CADM2: variants seen among roughly 807,000 people sequenced by gnomAD.
The protein encoded by CADM2 is cell adhesion molecule 2, also known as immunoglobulin superfamily member 4D.
In CADM2, 12 loss-of-function variants were observed where a neutral mutation model predicts 49.8. That is an observed-to-expected ratio of 0.24 (90% CI 0.15 to 0.39). The LOEUF (loss-of-function observed/expected upper bound fraction) is 0.39. Among genes scored for constraint, CADM2 ranks in the 10% least tolerant of loss-of-function variants. The pLI, the probability that CADM2 is intolerant of heterozygous loss-of-function variation, is 1.00. For synonymous variants in CADM2, 214 were observed against 175.4 expected (o/e 1.22, Z -1.74); for missense variants, 378 against 492.3 (o/e 0.77, Z 2.20).
chr3:85,877,840 T>C (rs1318998509), intron 3 of CADM2, among the ~76,000 whole-genome samples: 1 of 152,086 alleles, frequency 6.6e-6, no homozygotes, highest in Non-Finnish European at 1.5e-5. Flanking sequence ...CAATAGCTAC[T>C]CACTGAATGC....
chr3:85,115,700 A>T (rs1462182169), intron 1 of CADM2, among the ~76,000 whole-genome samples: 1 of 152,206 alleles, frequency 6.6e-6, no homozygotes, highest in Non-Finnish European at 1.5e-5. Context: ...ATTAATATAC[A>T]GCTTTAATGT....
intron 1 of CADM2, among the ~76,000 whole-genome samples, chr3:85,461,308 G>C (rs926157852): frequency 1.3e-5 from 2 of 152,052 alleles, no homozygotes; most frequent in Admixed American, 1.3e-4. Context: ...ACACAAGTCA[G>C]CAACTTCAGC....
chr3:85,899,181 G>T (rs1418787006), intron 5 of CADM2, among the ~76,000 whole-genome samples: 1 of 151,278 alleles, frequency 6.6e-6, no homozygotes, highest in Non-Finnish European at 1.5e-5. Flanking sequence ...GACCAGGCTG[G>T]TCTTGAACTC....
intron 8 of CADM2, among the ~76,000 whole-genome samples, chr3:86,022,646 A>G (rs560851247): frequency 1.3e-5 from 2 of 152,160 alleles, no homozygotes; most frequent in East Asian, 1.9e-4. Flanking sequence ...AAAAATATGC[A>G]TAATAGCCAT....
chr3:85,182,000 A>G (rs900363210), intron 1 of CADM2, among the ~76,000 whole-genome samples: 5 of 150,268 alleles, frequency 3.3e-5, no homozygotes, highest in African/African-American at 1.2e-4. Context: ...TAAATCACAT[A>G]TATCTTTATA....
intron 8 of CADM2, among the ~76,000 whole-genome samples, chr3:86,021,824 G>T (rs1733227080): frequency 6.6e-6 from 1 of 152,112 alleles, no homozygotes; most frequent in Non-Finnish European, 1.5e-5. Context: ...TCAGTGGCAG[G>T]GGATAGGGAA....
intron 1 of CADM2, among the ~76,000 whole-genome samples, chr3:85,413,164 T>TA (rs1164449868): frequency 9.1e-5 from 7 of 76,816 alleles, no homozygotes; most frequent in South Asian, 5.4e-4. Flanking sequence ...AAAAAAAAAA[T>TA]AATAATAATA....
At chr3:85,740,969 A>T (rs2068356386) in intron 2 of CADM2, among the ~76,000 whole-genome samples, 1 of 152,200 alleles carries the variant, frequency 6.6e-6, no homozygotes, top group Non-Finnish European at 1.5e-5. Flanking sequence ...AGGTAATCCT[A>T]GTTCAGGACA....
At chr3:85,378,030 A>AT (rs762375730) in intron 1 of CADM2, among the ~76,000 whole-genome samples, 8 of 151,750 alleles carry the variant, frequency 5.3e-5, no homozygotes, top group South Asian at 2.1e-4. Flanking sequence ...TTCAGGAATC[A>AT]TTTTTTTTGC....
At chr3:86,043,956 G>A (rs538596190) in intron 8 of CADM2, among the ~76,000 whole-genome samples, 1 of 152,202 alleles carries the variant, frequency 6.6e-6, no homozygotes, top group South Asian at 2.1e-4. Context: ...AACAAGAAAT[G>A]GGGAAACGGT....
intron 1 of CADM2, among the ~76,000 whole-genome samples, chr3:85,133,305 T>TC (rs1364135893): frequency 6.6e-6 from 1 of 152,172 alleles, no homozygotes; most frequent in East Asian, 1.9e-4. Flanking sequence ...CCCACTCACA[T>TC]CCTGCTGATT....
intron 1 of CADM2, among the ~76,000 whole-genome samples, chr3:85,255,339 A>C (rs2107872409): frequency 6.6e-6 from 1 of 152,156 alleles, no homozygotes; most frequent in South Asian, 2.1e-4. Flanking sequence ...TTTAAAGAAG[A>C]GGCTTCATTT....
intron 5 of CADM2, among the ~76,000 whole-genome samples, chr3:85,893,810 C>G (rs1714815442): frequency 6.6e-6 from 1 of 152,112 alleles, no homozygotes; most frequent in Non-Finnish European, 1.5e-5. Flanking sequence ...CCATCTCACA[C>G]CAGTTAGAAT....
chr3:85,058,096 CTATG>C (rs1418393898), intron 1 of CADM2, among the ~76,000 whole-genome samples: 1 of 152,032 alleles, frequency 6.6e-6, no homozygotes, highest in Non-Finnish European at 1.5e-5. Flanking sequence ...TTTTTCTCTG[CTATG>C]TATGTGTGCA....
intron 1 of CADM2, among the ~76,000 whole-genome samples, chr3:85,405,897 C>G (rs1268220743): frequency 1.3e-5 from 2 of 150,702 alleles, no homozygotes; most frequent in Non-Finnish European, 3.0e-5. Flanking sequence ...GCCTGTGTGA[C>G]AGCGTGAGAC....
intron 1 of CADM2, among the ~76,000 whole-genome samples, chr3:85,436,981 A>G (rs144200619): frequency 1.3e-5 from 2 of 152,242 alleles, no homozygotes; most frequent in African/African-American, 4.8e-5. Context: ...CAGTCTTAAA[A>G]ATCTTTCTTC....
At chr3:85,260,889 G>A (rs1338413341) in intron 1 of CADM2, among the ~76,000 whole-genome samples, 1 of 152,120 alleles carries the variant, frequency 6.6e-6, no homozygotes, top group South Asian at 2.1e-4. Context: ...AGATGAATCC[G>A]TGAGGATATC....
intron 7 of CADM2, among the ~76,000 whole-genome samples, chr3:85,936,871 A>T (rs1258007854): frequency 3.3e-5 from 5 of 151,756 alleles, no homozygotes; most frequent in African/African-American, 1.2e-4. Context: ...ATATTTTTAA[A>T]CTGTTCTCTC....
In CADM2 at chr3:86,026,626, T is replaced by C. The variant is rs115785021; in HGVS notation, c.971-38979T>C. 3.1e-3 allele frequency among the ~76,000 whole-genome samples: 471 copies of C among 152,276 alleles called. 3 individuals are homozygous for C. The highest frequency in any genetic ancestry group is 0.011 in the African/African-American group (462 of 41,574). On this transcript the variant is annotated intron_variant, in intron 8 of 9. Coordinates refer to ENST00000383699, the MANE Select transcript of CADM2 (RefSeq NM_001167675.2). ...TCTCTACCTTGCCAACTGACGCCTA[T>C]TCATCCTTCAAAACCTCATGAACTT...
Sources: gnomAD v4.1 joint callset for allele counts (sites outside exome capture counted in the v4.1 genomes callset) on GRCh38, gnomAD v4.1.1 for gene constraint, MANE v1.5 for transcripts, NCBI Gene and HGNC (gene_info 2026-07-23, HGNC 2026-07-21) for gene names.